Variants in GPC5 observed in about 807,000 individuals in gnomAD.
GPC5 encodes the protein glypican-5.
In GPC5, 47 loss-of-function variants were observed where a neutral mutation model predicts 53.9. The ratio of observed to expected loss-of-function variants is 0.87; its 90% CI spans 0.69 to 1.11. The LOEUF is 1.11. GPC5 is among the 50% of genes most tolerant of loss of function. GPC5 has a pLI of 0.00. For missense variants in GPC5, 748 were observed against 713.1 expected (o/e 1.05, Z -0.56); for synonymous variants, 286 against 263.3 (o/e 1.09, Z -0.84).
intron 2 of GPC5, among the ~76,000 whole-genome samples, chr13:91,451,514 C>T (rs1436986094): frequency 6.6e-6 from 1 of 152,058 alleles, no homozygotes; most frequent in African/African-American, 2.4e-5. Flanking sequence ...TTAGAAGAGA[C>T]CTAAGATTAT....
intron 7 of GPC5, among the ~76,000 whole-genome samples, chr13:92,211,160 T>C (rs1244790226): frequency 6.6e-6 from 1 of 151,714 alleles, no homozygotes. Flanking sequence ...CACTTGAAAA[T>C]GGCTAATTCT....
intron 7 of GPC5, among the ~76,000 whole-genome samples, chr13:92,839,748 G>A (rs1471689797): frequency 2.6e-5 from 4 of 152,040 alleles, no homozygotes; most frequent in African/African-American, 9.7e-5. Context: ...CTGCTAGCTA[G>A]ACTAATGAAG....
intron 6 of GPC5, among the ~76,000 whole-genome samples, chr13:92,092,290 C>T (rs1196362233): frequency 6.6e-6 from 1 of 152,138 alleles, no homozygotes; most frequent in Non-Finnish European, 1.5e-5. Context: ...TGACACACTC[C>T]TAAAATAAAG....
At chr13:91,776,355 G>A (rs1189048810) in intron 5 of GPC5, among the ~76,000 whole-genome samples, 1 of 152,174 alleles carries the variant, frequency 6.6e-6, no homozygotes, top group Non-Finnish European at 1.5e-5. Flanking sequence ...TTAAGTTAAT[G>A]TGGCTTTGTT....
chr13:92,540,869 A>G, intron 7 of GPC5, among the ~76,000 whole-genome samples: 1 of 151,900 alleles, frequency 6.6e-6, no homozygotes, highest in East Asian at 1.9e-4. Context: ...AATAATGAGA[A>G]CACTAATGTC....
At chr13:92,287,991 C>A (rs1226235964) in intron 7 of GPC5, among the ~76,000 whole-genome samples, 1 of 152,036 alleles carries the variant, frequency 6.6e-6, no homozygotes, top group Non-Finnish European at 1.5e-5. Flanking sequence ...GTTGTCCAGT[C>A]TATCTTCAAT....
intron 2 of GPC5, among the ~76,000 whole-genome samples, chr13:91,460,309 T>G (rs905174655): frequency 6.6e-6 from 1 of 151,948 alleles, no homozygotes; most frequent in African/African-American, 2.4e-5. Flanking sequence ...TTTTTTTTTT[T>G]TGGTGGGGGG....
chr13:92,362,151 A>G (rs2043572910), intron 7 of GPC5, among the ~76,000 whole-genome samples: 1 of 151,310 alleles, frequency 6.6e-6, no homozygotes, highest in African/African-American at 2.5e-5. Flanking sequence ...ACCCAGTGAA[A>G]GTTTTCCATG....
intron 7 of GPC5, chr13:92,448,438 G>T (rs999955200): frequency 3.3e-5 from 5 of 152,020 alleles, no homozygotes; most frequent in African/African-American, 9.7e-5. Flanking sequence ...CCAACTATGT[G>T]TGATTTTAAA....
intron 2 of GPC5, among the ~76,000 whole-genome samples, chr13:91,635,475 T>C (rs967130623): frequency 6.6e-6 from 1 of 152,134 alleles, no homozygotes; most frequent in Non-Finnish European, 1.5e-5. Flanking sequence ...ATACAGTATA[T>C]TATTTTTAAA....
chr13:91,978,007 G>T (rs2040322699), intron 6 of GPC5, among the ~76,000 whole-genome samples: 1 of 151,736 alleles, frequency 6.6e-6, no homozygotes, highest in Non-Finnish European at 1.5e-5. Context: ...AATTAAATTA[G>T]CTGGGCATAG....
chr13:92,435,101 G>T (rs1396503395), intron 7 of GPC5, among the ~76,000 whole-genome samples: 2 of 152,100 alleles, frequency 1.3e-5, no homozygotes, highest in Non-Finnish European at 2.9e-5. Flanking sequence ...TTTTAGTAGA[G>T]ACGGGGTTTC....
chr13:92,115,349 A>G (rs2041592000), intron 6 of GPC5, among the ~76,000 whole-genome samples: 1 of 152,184 alleles, frequency 6.6e-6, no homozygotes, highest in African/African-American at 2.4e-5. Flanking sequence ...TCTACTAAAA[A>G]TACAAAATTA....
intron 5 of GPC5, among the ~76,000 whole-genome samples, chr13:91,893,618 A>G (rs1409764347): frequency 6.6e-6 from 1 of 152,116 alleles, no homozygotes; most frequent in Non-Finnish European, 1.5e-5. Flanking sequence ...TTTATAAAAG[A>G]CAGTTGGTTC....
intron 2 of GPC5, among the ~76,000 whole-genome samples, chr13:91,455,483 C>A (rs1195226450): frequency 6.6e-6 from 1 of 152,036 alleles, no homozygotes; most frequent in Admixed American, 6.6e-5. Context: ...ACATGCAGTT[C>A]TTTATTTTGT....
intron 6 of GPC5, among the ~76,000 whole-genome samples, chr13:91,929,219 A>G (rs1255662372): frequency 1.3e-5 from 2 of 152,142 alleles, no homozygotes; most frequent in Non-Finnish European, 2.9e-5. Flanking sequence ...AAACATTCAT[A>G]AGAATGTAAG....
intron 2 of GPC5, among the ~76,000 whole-genome samples, chr13:91,468,090 A>T (rs1324049784): frequency 3.9e-5 from 6 of 152,194 alleles, no homozygotes. Context: ...AGAGAAAGTC[A>T]GCAGGAAAGA....
rs189830979 is a variant in GPC5, at chr13:92,321,165, C to T, written c.1561+176176C>T. 1.1e-3 allele frequency among the ~76,000 whole-genome samples: 173 copies of T among 152,208 alleles called. 1 individual carries two copies. The highest frequency in any genetic ancestry group is 5.4e-3 in the East Asian group (28 of 5,180). ...ATTTAAAAATCTTTGTAGACAAATA[C>T]ATTATTGGTTTGGTTACTGTTATGC... On this transcript the variant is annotated intron_variant, in intron 7 of 7. Transcript: ENST00000377067.
rs183657909 is a variant in GPC5 at position 91,603,821 on chromosome 13, C to G, written c.326-89366C>G. On this transcript the variant is annotated intron_variant, in intron 2 of 7. Coordinates refer to ENST00000377067, the MANE Select transcript of GPC5 (RefSeq NM_004466.6). ...TATAAATACATAGATAAAGATCTAT[C>G]TATCTGTAAATATCTTCATCTATAT... Among the ~76,000 whole-genome samples, 9 of 152,216 alleles carry G rather than the reference C, an allele frequency of 5.9e-5. No homozygotes were observed. In the East Asian group the frequency reaches 1.7e-3, roughly 29 times the overall value.
Sources: allele counts gnomAD v4.1 joint callset (sites outside exome capture counted in the v4.1 genomes callset), GRCh38; gene constraint gnomAD v4.1.1; transcripts MANE v1.5; gene names NCBI Gene and HGNC (gene_info 2026-07-23, HGNC 2026-07-21).